The following RGPD1 variants were observed in gnomAD, a reference collection of about 807,000 sequenced individuals.
RGPD1 encodes the protein RANBP2 like and GRIP domain containing 1, also known as RANBP2-like and GRIP domain-containing protein 1.
In RGPD1, 7 loss-of-function variants were observed where a neutral mutation model predicts 40.6. That is an observed-to-expected ratio of 0.17 (90% CI 0.10 to 0.32). The LOEUF is 0.32. Among genes scored for constraint, RGPD1 ranks in the 10% least tolerant of loss-of-function variants. The pLI is 1.00. For missense variants in RGPD1, 50 were observed against 472.5 expected (o/e 0.11, Z 8.29); for synonymous variants, 24 against 167.0 (o/e 0.14, Z 6.60).
At chr2:87,000,059 G>T (rs1440565796) in intron 22 of RGPD1, among the ~76,000 whole-genome samples, 1 of 118,430 alleles carries the variant, frequency 8.4e-6, no homozygotes, top group Non-Finnish European at 1.6e-5. Context: ...CAAATTACAG[G>T]TTCACTGTCT....
At chr2:86,931,888 G>C (rs1425077534) in intron 1 of RGPD1, among the ~76,000 whole-genome samples, 1 of 147,776 alleles carries the variant, frequency 6.8e-6, no homozygotes, top group African/African-American at 2.5e-5. Context: ...AACTTCATTT[G>C]GTAGTTAGAC....
intron 1 of RGPD1, among the ~76,000 whole-genome samples, 156 bp downstream of exon 1, chr2:86,942,464 C>A (rs1359747703): frequency 2.1e-5 from 3 of 141,646 alleles, no homozygotes; most frequent in Non-Finnish European, 4.7e-5. Context: ...TCTGTTGAGG[C>A]GCCGGCCTCG....
At chr2:86,928,347 G>C (rs548729694) in intron 1 of RGPD1, among the ~76,000 whole-genome samples, 1 of 152,168 alleles carries the variant, frequency 6.6e-6, no homozygotes, top group Non-Finnish European at 1.5e-5. Context: ...AGAATAATAA[G>C]AGAATAAATT....
intron 1 of RGPD1, among the ~76,000 whole-genome samples, chr2:86,918,226 T>G (rs920275755): frequency 6.6e-5 from 10 of 150,476 alleles, no homozygotes; most frequent in Non-Finnish European, 4.4e-5. Context: ...AGGCCTTACC[T>G]CTCACCCTCT....
At position 87,013,366 on chromosome 2, in the gene RGPD1, C is replaced by T. The variant is rs1389598757; in HGVS notation, c.*819C>T. ...GCCCCACCAGGATGCTGGGGACACA[C>T]GGGGCACAGTGCAGCCAGAGGCTTG... On this transcript the variant is annotated 3_prime_UTR_variant, in exon 23 of 23. Transcript: ENST00000641458. 6.5e-5 allele frequency: 8 copies of T among 123,660 alleles called. No homozygotes were observed. The highest frequency in any genetic ancestry group is 3.0e-4 in the South Asian group (3 of 9,910). 7.7% of individuals were successfully genotyped at this position (123,660 alleles called of 1,614,324 possible). A position where few individuals can be genotyped will look rare whatever the true frequency, so the allele number is the denominator to read the frequency against.
At chr2:86,941,617 T>C (rs71278178), upstream of RGPD1, among the ~76,000 whole-genome samples, 489 of 150,110 alleles carry the variant, frequency 3.3e-3, 2 homozygotes, top group African/African-American at 0.011. Context: ...ACTTATAAGC[T>C]GACAGAAAAT....
intron 22 of RGPD1, among the ~76,000 whole-genome samples, chr2:87,000,317 C>T (rs1021673051): frequency 2.3e-5 from 3 of 130,964 alleles, no homozygotes; most frequent in Non-Finnish European, 4.6e-5. Context: ...CTTTTAAAAG[C>T]TCAGCATGTT....
At chr2:86,939,478 C>T (rs558486594), upstream of RGPD1, among the ~76,000 whole-genome samples, 11 of 147,490 alleles carry the variant, frequency 7.5e-5, no homozygotes, top group African/African-American at 2.7e-4. Context: ...ACTCGGGAGG[C>T]TGAGGCACAA....
chr2:86,930,860 G>C, intron 1 of RGPD1: 1 of 669,132 alleles, frequency 1.5e-6, no homozygotes, highest in South Asian at 1.9e-5. Flanking sequence ...GCCCATCTTC[G>C]CTGAGGCCAC....
chr2:86,945,739 G>T (rs550825321), intron 1 of RGPD1, among the ~76,000 whole-genome samples: 3 of 150,074 alleles, frequency 2.0e-5, no homozygotes, highest in East Asian at 4.0e-4. Context: ...TGAGCCGGGC[G>T]TGGTGGCAGC....
In RGPD1 at chr2:87,013,545, T is replaced by C. The variant is rs1374286465; in HGVS notation, c.*998T>C. 1.0e-5 allele frequency: 1 copy of C among 99,878 alleles called. No homozygotes were observed. The highest frequency in any genetic ancestry group is 2.0e-5 in the Non-Finnish European group (1 of 50,298). The allele number at this position is 99,878 out of a possible 1,614,324, so 6.2% of individuals were successfully genotyped here. ...AGAGAATGGGGAAAGGGTTTTTAGA[T>C]GGGGGAATGGCAGGCTTTTCCGAGG... On this transcript the variant is annotated 3_prime_UTR_variant, in exon 23 of 23. Transcript: ENST00000641458.
chr2:86,944,463 C>T lies in RGPD1; in HGVS notation c.72+2155C>T, dbSNP rs568970055. ...TCTGTCACCCAGCTGGATGCAGTGG[C>T]GCTATCTCGACTCACTGCAACTTCC... On this transcript the variant is annotated intron_variant, in intron 1 of 22. Transcript: ENST00000641458. Among the ~76,000 whole-genome samples the T allele has an allele frequency of 9.2e-5, 14 of 151,608 alleles. No homozygotes were observed. In the East Asian group the frequency reaches 2.1e-3, roughly 23 times the overall value.
At chr2:86,928,210 C>T (rs1424467905) in intron 1 of RGPD1, among the ~76,000 whole-genome samples, 1 of 150,224 alleles carries the variant, frequency 6.7e-6, no homozygotes, top group African/African-American at 2.5e-5. Flanking sequence ...AGCCCTGATA[C>T]AAGACAACAA....
At chr2:86,914,231 TGGCCG>T (rs1250037438) in intron 1 of RGPD1, among the ~76,000 whole-genome samples, 1 of 9,442 alleles carries the variant, frequency 1.1e-4, no homozygotes, top group Non-Finnish European at 3.0e-4. Flanking sequence ...GGCCTCGGCC[TGGCCG>T]GGCGGCGGCG....
intron 1 of RGPD1, chr2:86,930,747 C>T (rs1381860934): frequency 3.2e-5 from 47 of 1,451,150 alleles, no homozygotes; most frequent in Admixed American, 1.6e-4. Flanking sequence ...GCTGCTGGCC[C>T]GAGCCATACC....
At chr2:86,914,307 CGGCGGCGGCGGCCTCGGCCTGGCCG>C (rs1677636016) in intron 1 of RGPD1, among the ~76,000 whole-genome samples, 1 of 74,644 alleles carries the variant, frequency 1.3e-5, no homozygotes, top group Non-Finnish European at 2.6e-5. Flanking sequence ...GCGGCGGCGG[CGGCGGCGGCGGCCTCGGCCTGGCCG>C]GGCGGCGGCG....
At position 86,942,231 on chromosome 2, in the gene RGPD1, G is replaced by C. The variant is rs1167599034; in HGVS notation, c.-6G>C. ...CACGCGTCTCGGGAGCCAGGTTGGC[G>C]GTGCGATGAGGCGCAGCAAGGCCTA... On this transcript the variant is annotated 5_prime_UTR_variant, in exon 1 of 23. Transcript: ENST00000641458. 6.2e-7 allele frequency: 1 copy of C among 1,603,622 alleles called. No homozygotes were observed. Among genetic ancestry groups the C allele is most frequent in the Non-Finnish European group, 8.5e-7 (1 of 1,176,272 alleles).
chr2:86,915,280 A>AGTTAGG (rs1290684740), intron 1 of RGPD1, among the ~76,000 whole-genome samples: 35 of 150,942 alleles, frequency 2.3e-4, no homozygotes, highest in Admixed American at 1.6e-3. Context: ...TAGGTGATAG[A>AGTTAGG]GTTAGGGTTA....
chr2:86,949,413 GGAAA>G (rs1217888944), intron 1 of RGPD1, among the ~76,000 whole-genome samples: 1 of 135,972 alleles, frequency 7.4e-6, no homozygotes, highest in African/African-American at 2.7e-5. Context: ...TTTTGACTTA[GGAAA>G]GAAAAAAGAT....
Sources: allele counts gnomAD v4.1 joint callset (sites outside exome capture counted in the v4.1 genomes callset), GRCh38; gene constraint gnomAD v4.1.1; transcripts MANE v1.5; gene names NCBI Gene and HGNC (gene_info 2026-07-23, HGNC 2026-07-21).